EHBP1: variants seen among roughly 807,000 people sequenced by gnomAD.
EHBP1 encodes the protein EH domain-binding protein 1.
Under a neutral mutation model 144.0 loss-of-function variants are expected in EHBP1, and 55 were observed. The ratio of observed to expected loss-of-function variants is 0.38; its 90% CI spans 0.31 to 0.48. The LOEUF is 0.48. Ranked by LOEUF, EHBP1 falls within the 20% of genes least tolerant of loss-of-function variation. The pLI is 0.98. For missense variants in EHBP1, 1,200 were observed against 1,364.2 expected, an observed-to-expected ratio of 0.88 and a Z score of 1.90; for synonymous variants, 469 against 472.7, an observed-to-expected ratio of 0.99 and a Z score of 0.10.
chr2:62,719,807 C>T (rs1239343862), intron 2 of EHBP1, among the ~76,000 whole-genome samples: 2 of 152,156 alleles, frequency 1.3e-5, no homozygotes, highest in Non-Finnish European at 2.9e-5. Flanking sequence ...TATGCAAATA[C>T]TATGCCATTT....
At chr2:62,946,263 TTAATAA>T (rs1230260567) in intron 12 of EHBP1, among the ~76,000 whole-genome samples, 2 of 152,234 alleles carry the variant, frequency 1.3e-5, no homozygotes, top group Non-Finnish European at 2.9e-5. Context: ...TTTCATTAAC[TTAATAA>T]TGGTAAGCAT....
At chr2:62,769,459 A>G (rs2041458439) in intron 4 of EHBP1, among the ~76,000 whole-genome samples, 2 of 152,318 alleles carry the variant, frequency 1.3e-5, no homozygotes, top group Non-Finnish European at 1.5e-5. Flanking sequence ...CAGGGAGGTG[A>G]AAGATCTATA....
chr2:62,749,826 A>G (rs1194131096), intron 3 of EHBP1, among the ~76,000 whole-genome samples: 5 of 151,594 alleles, frequency 3.3e-5, no homozygotes, highest in African/African-American at 9.7e-5. Flanking sequence ...TTGTTGATGG[A>G]GTTGTTTGTT....
At chr2:62,786,188 G>T (rs751399337) in intron 5 of EHBP1, among the ~76,000 whole-genome samples, 2 of 152,174 alleles carry the variant, frequency 1.3e-5, no homozygotes, top group East Asian at 1.9e-4. Flanking sequence ...GGTGGTTGGG[G>T]TAGAACATGA....
chr2:62,885,577 A>G (rs761108738), intron 10 of EHBP1, among the ~76,000 whole-genome samples: 10 of 152,206 alleles, frequency 6.6e-5, no homozygotes, highest in African/African-American at 1.4e-4. Flanking sequence ...ACAACATGCA[A>G]TTTAAGTTAT....
intron 19 of EHBP1, among the ~76,000 whole-genome samples, chr2:63,023,040 G>A (rs2060824468): frequency 6.6e-6 from 1 of 152,068 alleles, no homozygotes; most frequent in Admixed American, 6.5e-5. Context: ...TGGGCGTGGT[G>A]GTGTGCACCT....
At chr2:63,043,374 T>C (rs1352091541) in intron 21 of EHBP1, among the ~76,000 whole-genome samples, 1 of 152,228 alleles carries the variant, frequency 6.6e-6, no homozygotes, top group Non-Finnish European at 1.5e-5. Flanking sequence ...TATAGAATAT[T>C]TCATTTTTAA....
chr2:62,842,631 T>C (rs1229447879), intron 7 of EHBP1, among the ~76,000 whole-genome samples: 1 of 152,234 alleles, frequency 6.6e-6, no homozygotes, highest in Non-Finnish European at 1.5e-5. Context: ...TTCCATCCTT[T>C]ATGGTACTAC....
At chr2:62,988,423 G>A (rs2059285647) in intron 15 of EHBP1, among the ~76,000 whole-genome samples, 1 of 151,968 alleles carries the variant, frequency 6.6e-6, no homozygotes, top group Non-Finnish European at 1.5e-5. Context: ...TTCTGATTTA[G>A]TTTAGAATTA....
chr2:62,696,434 AC>A (rs972209963), intron 1 of EHBP1, among the ~76,000 whole-genome samples: 4 of 147,704 alleles, frequency 2.7e-5, no homozygotes, highest in African/African-American at 7.5e-5. Context: ...GGGGTGAGCT[AC>A]CATGCCCAGC....
At chr2:62,721,719 T>C (rs982216933) in intron 2 of EHBP1, among the ~76,000 whole-genome samples, 10 of 152,222 alleles carry the variant, frequency 6.6e-5, no homozygotes, top group Admixed American at 6.5e-4. Context: ...ATTTTTGGAA[T>C]TTTCCTGTAA....
intron 10 of EHBP1, among the ~76,000 whole-genome samples, chr2:62,884,416 A>G (rs141406025): frequency 1.0e-3 from 158 of 152,274 alleles, no homozygotes; most frequent in African/African-American, 3.3e-3. Flanking sequence ...AGGCTTGACC[A>G]GTGTTATCAA....
At chr2:62,955,784 G>A (rs1296284236) in intron 14 of EHBP1, 124 bp downstream of exon 14, 7 of 1,004,946 alleles carry the variant, frequency 7.0e-6, no homozygotes, top group Non-Finnish European at 9.9e-6. Context: ...AATACTTGGT[G>A]CACTTACTGA....
intron 10 of EHBP1, chr2:62,940,061 G>A: frequency 2.4e-6 from 1 of 423,318 alleles, no homozygotes; most frequent in Non-Finnish European, 4.7e-6. Flanking sequence ...GAGGCACAAA[G>A]GAAAAGAATC....
chr2:62,828,755 G>C (rs1317665111), intron 6 of EHBP1, among the ~76,000 whole-genome samples: 2 of 152,182 alleles, frequency 1.3e-5, no homozygotes, highest in African/African-American at 4.8e-5. Flanking sequence ...GATCTTATCT[G>C]ATTTGCAAAC....
intron 10 of EHBP1, among the ~76,000 whole-genome samples, chr2:62,928,840 C>CA (rs760426482): frequency 0.096 from 6,289 of 65,204 alleles, 332 homozygotes; most frequent in African/African-American, 0.24. Context: ...AGACTAAGAA[C>CA]AAAAAAAAAA....
rs1573400518 is a variant in EHBP1, at chr2:62,797,587, G to T, written c.312+26195G>T. Among the ~76,000 whole-genome samples the T allele has an allele frequency of 1.3e-5, 2 of 152,292 alleles. 1 individual carries two copies. The highest frequency in any genetic ancestry group is 4.1e-4 in the South Asian group (2 of 4,824). ...TAGTATGTGAAGAGCCAAGTTCATT[G>T]TACACTTCAACACAACCTTTTTTAC... On this transcript the variant is annotated intron_variant, in intron 5 of 22. Transcript: ENST00000431489.
chr2:63,009,933 A>G (rs2060200078), intron 19 of EHBP1, among the ~76,000 whole-genome samples: 1 of 151,488 alleles, frequency 6.6e-6, no homozygotes. Flanking sequence ...GAACAATTAT[A>G]ACAATATACT....
intron 15 of EHBP1, among the ~76,000 whole-genome samples, chr2:62,990,189 A>T (rs944993595): frequency 4.5e-4 from 68 of 152,104 alleles, no homozygotes; most frequent in Admixed American, 2.6e-4. Flanking sequence ...GTAAACATAT[A>T]CCCTGTTTCA....
Sources: gnomAD v4.1 joint callset for allele counts (sites outside exome capture counted in the v4.1 genomes callset) on GRCh38, gnomAD v4.1.1 for gene constraint, MANE v1.5 for transcripts, NCBI Gene and HGNC (gene_info 2026-07-23, HGNC 2026-07-21) for gene names.